NMNAT1: variants seen among roughly 807,000 people sequenced by gnomAD.
The protein encoded by NMNAT1 is nicotinamide nucleotide adenylyltransferase 1.
NMNAT1 carries 11 observed loss-of-function variants against 16.7 expected under a neutral mutation model. That is an observed-to-expected ratio of 0.66 (90% CI 0.41 to 1.09). The LOEUF is 1.09. Among genes scored for constraint, NMNAT1 ranks in the 50% least tolerant of loss-of-function variants. The pLI is 0.00. For synonymous variants in NMNAT1, 110 were observed against 119.8 expected (o/e 0.92, Z 0.53); for missense variants, 280 against 332.3 (o/e 0.84, Z 1.22).
downstream of NMNAT1, among the ~76,000 whole-genome samples, chr1:9,987,816 C>G (rs1286375846): frequency 1.3e-5 from 2 of 151,556 alleles, no homozygotes; most frequent in African/African-American, 4.8e-5. Context: ...TAGCTGAGAC[C>G]CTGTTTCAAA....
intron 2 of NMNAT1, 113 bp downstream of exon 2, chr1:9,972,301 G>T (rs1342465508): frequency 1.3e-5 from 9 of 673,756 alleles, no homozygotes; most frequent in Admixed American, 4.6e-5. Context: ...ACAAGGTCAA[G>T]AGATCGAGAC....
chr1:9,952,087 G>A (rs1313994922), intron 1 of NMNAT1, among the ~76,000 whole-genome samples: 1 of 151,910 alleles, frequency 6.6e-6, no homozygotes, highest in Non-Finnish European at 1.5e-5. Flanking sequence ...TCACGAGGTC[G>A]GGAGATCCAG....
chr1:9,985,854 G>C (rs1642039046), downstream of NMNAT1, among the ~76,000 whole-genome samples: 1 of 152,176 alleles, frequency 6.6e-6, no homozygotes, highest in African/African-American at 2.4e-5. Context: ...GTAGAGACAG[G>C]GTTTCACCGT....
At chr1:9,962,528 A>T (rs1469635733) in intron 1 of NMNAT1, among the ~76,000 whole-genome samples, 1 of 151,580 alleles carries the variant, frequency 6.6e-6, no homozygotes, top group African/African-American at 2.4e-5. Context: ...ACACTGTGCC[A>T]GGCAATATGC....
intron 4 of NMNAT1, chr1:9,981,858 A>G (rs1032703120): frequency 1.3e-5 from 2 of 154,814 alleles, no homozygotes; most frequent in Non-Finnish European, 2.8e-5. Context: ...AAAACTGTGA[A>G]CTGTCATTCT....
intron 1 of NMNAT1, among the ~76,000 whole-genome samples, chr1:9,953,764 C>T (rs954065730): frequency 1.6e-5 from 2 of 126,434 alleles, no homozygotes; most frequent in East Asian, 2.6e-4. Context: ...TTAAAAAATT[C>T]GGACATAGTT....
chr1:9,981,649 G>T (rs1641951826), intron 4 of NMNAT1: 1 of 156,196 alleles, frequency 6.4e-6, no homozygotes, highest in Non-Finnish European at 1.4e-5. Flanking sequence ...AGGATTACAG[G>T]TGTCAGCCAC....
At position 9,965,641 on chromosome 1, in the gene NMNAT1, G is replaced by A. The variant is rs546901745; in HGVS notation, c.-56-6377G>A. ...TGGTCTTGAACTCCTGACCTCAAGC[G>A]ATCTCTCTGCTTTGACCTCCCAAAG... is the stretch of plus-strand genomic sequence containing the variant. On this transcript the variant is annotated intron_variant, in intron 1 of 4. Transcript: ENST00000377205. Among the ~76,000 whole-genome samples the A allele has an allele frequency of 3.9e-3, 590 of 152,016 alleles. 2 individuals are homozygous for A. The highest frequency in any genetic ancestry group is 6.8e-3 in the Non-Finnish European group (464 of 67,968).
At chr1:9,980,398 C>T (rs895543822) in intron 3 of NMNAT1, among the ~76,000 whole-genome samples, 24 of 151,008 alleles carry the variant, frequency 1.6e-4, no homozygotes, top group African/African-American at 5.6e-4. Context: ...GCGGGCAGAT[C>T]GCTTGAGGTC....
intron 1 of NMNAT1, chr1:9,949,833 A>G (rs1641067101): frequency 1.3e-5 from 2 of 152,010 alleles, no homozygotes; most frequent in Admixed American, 6.6e-5. Context: ...TTTGAAACTA[A>G]ACCTTTGTTC....
Position 9,960,416 on chromosome 1 carries a change from C to T in NMNAT1, c.-56-11602C>T, listed in dbSNP as rs184730038. ...GTGGCTCATGCCTCTAATCCCAGCA[C>T]CGTGGGAGGCCAAGGTGGGAGGATC... is the stretch of plus-strand genomic sequence containing the variant. On this transcript the variant is annotated intron_variant, in intron 1 of 4. Transcript: ENST00000377205. 7.6e-4 allele frequency among the ~76,000 whole-genome samples: 116 copies of T among 152,050 alleles called. 1 individual carries two copies. The Middle Eastern group carries it at 0.017, about 22-fold the overall frequency.
At chr1:9,943,985 T>G (rs1039402822) in intron 1 of NMNAT1, among the ~76,000 whole-genome samples, 1 of 152,122 alleles carries the variant, frequency 6.6e-6, no homozygotes, top group African/African-American at 2.4e-5. Flanking sequence ...ACGGGCGCGG[T>G]GGCTCACGCC....
intron 1 of NMNAT1, among the ~76,000 whole-genome samples, chr1:9,957,625 C>T (rs1320745202): frequency 2.0e-5 from 3 of 152,124 alleles, no homozygotes; most frequent in South Asian, 2.1e-4. Flanking sequence ...CGTTAATTTG[C>T]GATTTTGGTG....
At chr1:9,953,787 A>G (rs1165467981) in intron 1 of NMNAT1, among the ~76,000 whole-genome samples, 1 of 132,660 alleles carries the variant, frequency 7.5e-6, no homozygotes, top group Non-Finnish European at 1.6e-5. Flanking sequence ...TGCTGAAATC[A>G]TATATCACTC....
intron 1 of NMNAT1, among the ~76,000 whole-genome samples, chr1:9,955,079 C>CT (rs903510960): frequency 1.4e-5 from 2 of 148,020 alleles, no homozygotes; most frequent in African/African-American, 5.0e-5. Context: ...GAGGTCAGGA[C>CT]TTTGAGACCA....
chr1:9,996,724 A>G, the NMNAT1 span, among the ~76,000 whole-genome samples: 1 of 152,050 alleles, frequency 6.6e-6, no homozygotes, highest in Non-Finnish European at 1.5e-5. Flanking sequence ...CCAGCTCATG[A>G]CCAGGAGGTA....
intron 1 of NMNAT1, among the ~76,000 whole-genome samples, chr1:9,945,568 C>T (rs927944393): frequency 6.6e-6 from 1 of 151,864 alleles, no homozygotes; most frequent in Non-Finnish European, 1.5e-5. Flanking sequence ...TGCATGGTGG[C>T]GTATGCCTGT....
rs563150764 is a variant in NMNAT1 at position 9,985,240 on chromosome 1, A to T, written c.*2539A>T. On this transcript the variant is annotated 3_prime_UTR_variant, in exon 5 of 5. Coordinates refer to ENST00000377205, the MANE Select transcript of NMNAT1 (RefSeq NM_022787.4). The stretch of plus-strand genomic sequence containing the variant: ...CTTCGTTTACCAGTGGTGCTGTTTG[A>T]ACTTCATAATGTCAGCACTTCCTGA... 1 of 152,216 alleles carries T rather than the reference A, an allele frequency of 6.6e-6. No individual in the cohort carries two copies. The highest frequency in any genetic ancestry group is 2.4e-5 in the African/African-American group (1 of 41,548). The allele number at this position is 152,216 out of a possible 1,614,324, so 9.4% of individuals were successfully genotyped here.
At chr1:9,952,544 T>G (rs1374866807) in intron 1 of NMNAT1, 1 of 150,552 alleles carries the variant, frequency 6.6e-6, no homozygotes, top group Admixed American at 6.6e-5. Context: ...TGTTTTTTTG[T>G]TTTTTTTTCT....
Sources: allele counts gnomAD v4.1 joint callset (sites outside exome capture counted in the v4.1 genomes callset), GRCh38; gene constraint gnomAD v4.1.1; transcripts MANE v1.5; gene names NCBI Gene and HGNC (gene_info 2026-07-23, HGNC 2026-07-21).